Variants in LNPK observed in about 807,000 individuals in gnomAD.
LNPK encodes lunapark, ER junction formation factor, also known as endoplasmic reticulum junction formation protein lunapark.
A neutral mutation model predicts 55.2 loss-of-function variants in LNPK; 29 were observed. The observed-to-expected ratio is 0.53, with a 90% CI of 0.39 to 0.72. The LOEUF (loss-of-function observed/expected upper bound fraction) is 0.72. LNPK is among the 30% of genes least tolerant of loss of function. The probability of loss-of-function intolerance (pLI) is 0.00; values close to 1 mark genes in which losing one functional copy is unlikely to be tolerated. For missense variants in LNPK, 467 were observed against 494.8 expected, an observed-to-expected ratio of 0.94 and a Z score of 0.53; for synonymous variants, 162 against 168.2, an observed-to-expected ratio of 0.96 and a Z score of 0.29.
At chr2:175,978,941 G>A (rs928288822) in intron 5 of LNPK, among the ~76,000 whole-genome samples, 1 of 152,018 alleles carries the variant, frequency 6.6e-6, no homozygotes, top group African/African-American at 2.4e-5. Context: ...GAGAAGAGAG[G>A]TTGTGAGTGA....
At chr2:175,932,461 G>A (rs982777222) in intron 12 of LNPK, among the ~76,000 whole-genome samples, 1 of 152,046 alleles carries the variant, frequency 6.6e-6, no homozygotes, top group Admixed American at 6.5e-5. Flanking sequence ...TGAAATGGGT[G>A]GAAATTGAAA....
chr2:175,928,562 T>C lies in LNPK; in HGVS notation c.*1405A>G, dbSNP rs150328467. 2.0e-4 allele frequency: 28 copies of C among 139,578 alleles called. No homozygotes were observed. Among genetic ancestry groups the C allele is most frequent in the African/African-American group, 6.6e-4 (25 of 37,718 alleles). The allele number at this position is 139,578 out of a possible 1,614,324, so 8.6% of individuals were successfully genotyped here. ...CATATGAGATATTAAATCATAAAAATAGATTTTTAAATGATAAAAATGTTT... is the reference window on the plus strand; with the variant it reads ...CATATGAGATATTAAATCATAAAAACAGATTTTTAAATGATAAAAATGTTT... On this transcript the variant is annotated 3_prime_UTR_variant, in exon 13 of 13. Coordinates refer to ENST00000272748, the MANE Select transcript of LNPK (RefSeq NM_030650.3).
At chr2:175,973,199 G>A (rs1431080957) in intron 5 of LNPK, among the ~76,000 whole-genome samples, 1 of 152,166 alleles carries the variant, frequency 6.6e-6, no homozygotes, top group Non-Finnish European at 1.5e-5. Context: ...AATTTCCAAA[G>A]CCAGTCAGTA....
At chr2:175,971,078 T>A (rs1271384809) in intron 5 of LNPK, among the ~76,000 whole-genome samples, 1 of 152,106 alleles carries the variant, frequency 6.6e-6, no homozygotes, top group Non-Finnish European at 1.5e-5. Context: ...TACTTTTTAA[T>A]GTGTTCAGAA....
intron 1 of LNPK, among the ~76,000 whole-genome samples, chr2:176,001,673 T>TG (rs1266747578): frequency 6.6e-6 from 1 of 152,120 alleles, no homozygotes; most frequent in Admixed American, 6.5e-5. Context: ...CAGTCCCTTC[T>TG]GGTCTTTCTA....
chr2:175,946,177 A>G (rs1350424425), intron 9 of LNPK, among the ~76,000 whole-genome samples: 1 of 152,164 alleles, frequency 6.6e-6, no homozygotes, highest in African/African-American at 2.4e-5. Context: ...TTACATGTGC[A>G]ATACAATTTT....
chr2:175,928,682 G>T lies in LNPK; in HGVS notation c.*1285C>A, dbSNP rs1464873326. 6.6e-6 allele frequency: 1 copy of T among 151,836 alleles called. No individual in the cohort carries two copies. Among genetic ancestry groups the T allele is most frequent in the Non-Finnish European group, 1.5e-5 (1 of 67,940 alleles). 9.4% of individuals were successfully genotyped at this position (151,836 alleles called of 1,614,324 possible). On this transcript the variant is annotated 3_prime_UTR_variant, in exon 13 of 13. Transcript: ENST00000272748. ...ATTTTTCCCTTCAGCATAATAATTT[G>T]ATTTCCATTTTTTTTAATATTGGAG...
intron 12 of LNPK, 26 bp downstream of exon 12, chr2:175,937,318 G>T (rs1198532576): frequency 6.3e-7 from 1 of 1,598,280 alleles, no homozygotes; most frequent in Admixed American, 1.7e-5. Flanking sequence ...GTTATTAAGG[G>T]GCAAAACTGT....
chr2:175,972,911 A>G (rs1170959199), intron 5 of LNPK, among the ~76,000 whole-genome samples: 1 of 152,188 alleles, frequency 6.6e-6, no homozygotes, highest in African/African-American at 2.4e-5. Context: ...GGATTTAGAA[A>G]CACAGAAATT....
At chr2:175,972,678 T>C (rs1686714328) in intron 5 of LNPK, among the ~76,000 whole-genome samples, 1 of 152,228 alleles carries the variant, frequency 6.6e-6, no homozygotes, top group Non-Finnish European at 1.5e-5. Context: ...AATGAGATTT[T>C]ACATATTTGA....
In LNPK at chr2:175,930,055, G is replaced by A. The variant is rs571103855; in HGVS notation, c.1199C>T (p.Ala400Val). Residue 400 changes from alanine to valine, a missense_variant, in exon 13 of 13, where the codon GCC becomes GTC. Physicochemically the swap from Ala to Val is moderately conservative, Grantham distance 64 (BLOSUM62 0). Coordinates refer to ENST00000272748, the MANE Select transcript of LNPK (RefSeq NM_030650.3). ...TGTGGAGTTGGTTTCAATCACTGAG[G>A]CTTCCTCATTCTCAGTCTCTTGTTT... ...EEKQETENEEASVIETNSTVP... is the reference protein window; with the variant it reads ...EEKQETENEEVSVIETNSTVP... 1.2e-6 allele frequency: 2 copies of A among 1,613,990 alleles called. No homozygotes were observed. The highest frequency in any genetic ancestry group is 2.2e-5 in the East Asian group (1 of 44,872).
chr2:175,987,357 G>A (rs1338712079), intron 4 of LNPK, among the ~76,000 whole-genome samples: 1 of 152,128 alleles, frequency 6.6e-6, no homozygotes, highest in East Asian at 1.9e-4. Context: ...AAAATGATGA[G>A]TTCATGTCCT....
chr2:175,935,592 T>C (rs908706570), intron 12 of LNPK: 1 of 159,158 alleles, frequency 6.3e-6, no homozygotes, highest in African/African-American at 2.4e-5. Context: ...CAAAGAGAAG[T>C]ATGAAAGTTA....
rs533076570 is a variant in LNPK, at chr2:175,965,370, C to T, written c.358-781G>A. On this transcript the variant is annotated intron_variant, in intron 6 of 12. Transcript: ENST00000272748. ...ACTAGTAAAGTATCACTAGCAGTTACGGCTAGTTCAACATCAGAAAAAGTT... is the reference window on the plus strand; with the variant it reads ...ACTAGTAAAGTATCACTAGCAGTTATGGCTAGTTCAACATCAGAAAAAGTT... 3.9e-5 allele frequency among the ~76,000 whole-genome samples: 6 copies of T among 152,224 alleles called. No individual in the cohort carries two copies. In the South Asian group the frequency reaches 8.3e-4, roughly 21 times the overall value.
intron 8 of LNPK, among the ~76,000 whole-genome samples, chr2:175,954,205 C>T (rs1158367360): frequency 2.0e-5 from 3 of 152,150 alleles, no homozygotes; most frequent in East Asian, 1.9e-4. Flanking sequence ...TCTCTGTAGA[C>T]ACATGATGTG....
intron 8 of LNPK, among the ~76,000 whole-genome samples, chr2:175,961,206 T>C (rs890537121): frequency 6.6e-6 from 1 of 152,216 alleles, no homozygotes; most frequent in Non-Finnish European, 1.5e-5. Flanking sequence ...ACTCATTTTA[T>C]GAGGCCAGCA....
intron 8 of LNPK, among the ~76,000 whole-genome samples, chr2:175,958,528 AAC>A (rs151040725): frequency 0.025 from 3,726 of 151,836 alleles, 75 homozygotes; most frequent in Admixed American, 0.057. Context: ...TATCAACATC[AAC>A]AAAAAGGACA....
intron 1 of LNPK, among the ~76,000 whole-genome samples, chr2:175,996,178 AGCTTTTTAAAT>A (rs1687924478): frequency 6.6e-6 from 1 of 152,176 alleles, no homozygotes; most frequent in Non-Finnish European, 1.5e-5. Context: ...AAGTTTGAAA[AGCTTTTTAAAT>A]GACAATGCAG....
intron 4 of LNPK, among the ~76,000 whole-genome samples, chr2:175,982,867 G>C (rs1428796184): frequency 6.6e-6 from 1 of 152,110 alleles, no homozygotes; most frequent in Non-Finnish European, 1.5e-5. Context: ...CTAACCTCTA[G>C]TTAGAGAATA....
Sources: gnomAD v4.1 joint callset for allele counts (sites outside exome capture counted in the v4.1 genomes callset) on GRCh38, gnomAD v4.1.1 for gene constraint, MANE v1.5 for transcripts, NCBI Gene and HGNC (gene_info 2026-07-23, HGNC 2026-07-21) for gene names.